The following RCSD1 variants were observed in gnomAD, a reference collection of about 807,000 sequenced individuals.
RCSD1 encodes RCSD domain containing 1.
In RCSD1, 26 loss-of-function variants were observed where a neutral mutation model predicts 42.5. The observed-to-expected ratio is 0.61, with a 90% CI of 0.45 to 0.85. RCSD1 has a LOEUF of 0.85. Ranked by LOEUF, RCSD1 falls within the 40% of genes least tolerant of loss-of-function variation. The probability of loss-of-function intolerance (pLI) is 0.00; values close to 1 mark genes in which losing one functional copy is unlikely to be tolerated. For synonymous variants in RCSD1, 220 were observed against 212.2 expected, an observed-to-expected ratio of 1.04 and a Z score of -0.32; for missense variants, 571 against 528.3, an observed-to-expected ratio of 1.08 and a Z score of -0.79.
At chr1:167,681,459 C>G (rs1471311490) in intron 1 of RCSD1, among the ~76,000 whole-genome samples, 2 of 152,220 alleles carry the variant, frequency 1.3e-5, no homozygotes, top group Non-Finnish European at 2.9e-5. Context: ...ATTCACTAGG[C>G]TCCAGGAAAA....
At chr1:167,699,595 C>T (rs909057722) in intron 6 of RCSD1, among the ~76,000 whole-genome samples, 1 of 152,154 alleles carries the variant, frequency 6.6e-6, no homozygotes, top group African/African-American at 2.4e-5. Flanking sequence ...ATGTAGAGTC[C>T]ACCCTAAATC....
chr1:167,631,455 T>C (rs1195382296), intron 1 of RCSD1, among the ~76,000 whole-genome samples: 1 of 152,240 alleles, frequency 6.6e-6, no homozygotes, highest in Non-Finnish European at 1.5e-5. Flanking sequence ...TCTTCCCCGC[T>C]CCAGGCTCTG....
At chr1:167,631,474 C>T (rs548474292) in intron 1 of RCSD1, among the ~76,000 whole-genome samples, 2 of 152,286 alleles carry the variant, frequency 1.3e-5, no homozygotes, top group South Asian at 4.1e-4. Flanking sequence ...TGTGCCTGGG[C>T]CCTGGTGGTC....
At chr1:167,640,655 A>T (rs936229600) in intron 1 of RCSD1, 1 of 152,136 alleles carries the variant, frequency 6.6e-6, no homozygotes, top group African/African-American at 2.4e-5. Flanking sequence ...GGCTTAAGTG[A>T]TCCTCTCACC....
At chr1:167,680,382 A>G (rs1659049560) in intron 1 of RCSD1, among the ~76,000 whole-genome samples, 1 of 152,010 alleles carries the variant, frequency 6.6e-6, no homozygotes, top group Non-Finnish European at 1.5e-5. Flanking sequence ...CCAGGCCCTG[A>G]CACCAGCAGA....
chr1:167,654,745 A>G (rs1658384859), intron 1 of RCSD1, among the ~76,000 whole-genome samples: 1 of 152,200 alleles, frequency 6.6e-6, no homozygotes, highest in Non-Finnish European at 1.5e-5. Flanking sequence ...GAAAGAAATC[A>G]GTTAGGTAAC....
chr1:167,637,583 G>A (rs957376758), intron 1 of RCSD1, among the ~76,000 whole-genome samples: 4 of 152,160 alleles, frequency 2.6e-5, no homozygotes, highest in African/African-American at 9.7e-5. Context: ...GCACATGCCT[G>A]CCTGGGGCCT....
chr1:167,630,342 G>C lies in RCSD1; in HGVS notation c.-82G>C. 5.2e-6 allele frequency: 7 copies of C among 1,340,848 alleles called. No individual in the cohort carries two copies. The highest frequency in any genetic ancestry group is 6.8e-6 in the Non-Finnish European group (7 of 1,030,346). 83.1% of individuals were successfully genotyped at this position (1,340,848 alleles called of 1,614,324 possible). On this transcript the variant is annotated 5_prime_UTR_variant, in exon 1 of 7. Transcript: ENST00000367854. ...CCGCAGCCCGAAACTGGCCACGGCC[G>C]GGAGCGGAGGGGACAGCGGGGATCG...
intron 1 of RCSD1, among the ~76,000 whole-genome samples, chr1:167,652,668 G>T (rs1658339862): frequency 6.6e-6 from 1 of 152,146 alleles, no homozygotes; most frequent in African/African-American, 2.4e-5. Context: ...AATTTGTATT[G>T]ATTTGCTGTT....
intron 1 of RCSD1, among the ~76,000 whole-genome samples, chr1:167,643,671 C>T (rs1381507381): frequency 6.6e-6 from 1 of 152,192 alleles, no homozygotes; most frequent in Non-Finnish European, 1.5e-5. Context: ...TTGACTTTGC[C>T]ATTTACTAGC....
intron 1 of RCSD1, among the ~76,000 whole-genome samples, chr1:167,678,663 C>T (rs1270404470): frequency 2.0e-5 from 3 of 152,152 alleles, no homozygotes; most frequent in East Asian, 1.9e-4. Flanking sequence ...CTCCTTGATG[C>T]GCGACTCAGG....
intron 1 of RCSD1, among the ~76,000 whole-genome samples, chr1:167,652,610 A>G (rs1558076285): frequency 2.0e-5 from 3 of 152,322 alleles, no homozygotes; most frequent in African/African-American, 7.2e-5. Context: ...CTTTAAAGCT[A>G]ATGAACAGTA....
At chr1:167,648,407 T>G (rs972063565) in intron 1 of RCSD1, among the ~76,000 whole-genome samples, 4 of 152,232 alleles carry the variant, frequency 2.6e-5, no homozygotes, top group African/African-American at 9.6e-5. Flanking sequence ...GCCCTGGCCT[T>G]CCTTCCTTTT....
chr1:167,706,496 G>C lies in RCSD1; in HGVS notation c.*1800G>C, dbSNP rs893893526. ...GGGCCACTTTACTTGAGGAAGGCATGGAACAGAAAGTATGGGGTTTAGATA... is the reference window on the plus strand; with the variant it reads ...GGGCCACTTTACTTGAGGAAGGCATCGAACAGAAAGTATGGGGTTTAGATA... On this transcript the variant is annotated 3_prime_UTR_variant, in exon 7 of 7. Coordinates refer to ENST00000367854, the MANE Select transcript of RCSD1 (RefSeq NM_052862.4). Among the ~76,000 whole-genome samples the C allele has an allele frequency of 2.0e-5, 3 of 152,184 alleles. No homozygotes were observed. Among genetic ancestry groups the C allele is most frequent in the African/African-American group, 7.2e-5 (3 of 41,434 alleles).
intron 1 of RCSD1, among the ~76,000 whole-genome samples, chr1:167,645,183 G>A (rs2102201758): frequency 6.6e-6 from 1 of 152,312 alleles, no homozygotes; most frequent in South Asian, 2.1e-4. Context: ...ATTTATATAG[G>A]ATGGGATGCT....
chr1:167,669,996 C>T (rs1196521754), intron 1 of RCSD1, among the ~76,000 whole-genome samples: 5 of 152,058 alleles, frequency 3.3e-5, no homozygotes, highest in Non-Finnish European at 5.9e-5. Flanking sequence ...CACACACGCA[C>T]ACGCACACTC....
In RCSD1 at chr1:167,677,744, G is replaced by A. The variant is rs1229044616; in HGVS notation, c.7-6156G>A. Among the ~76,000 whole-genome samples the A allele has an allele frequency of 2.0e-5, 3 of 152,192 alleles. No homozygotes were observed. In the East Asian group the frequency reaches 5.8e-4, roughly 29 times the overall value. On this transcript the variant is annotated intron_variant, in intron 1 of 6. Coordinates refer to ENST00000367854, the MANE Select transcript of RCSD1 (RefSeq NM_052862.4). ...ATGCATTTGTCTCAGGTGAGCAGGA[G>A]ACTGACTTAGAGTTCTGTCCTTTGT...
chr1:167,696,978 A>T, intron 5 of RCSD1, 121 bp from the exon 6 acceptor site: 3 of 845,994 alleles, frequency 3.5e-6, no homozygotes, highest in Non-Finnish European at 5.4e-6. Context: ...CTGGAAAATT[A>T]AACGGTCCTT....
intron 3 of RCSD1, among the ~76,000 whole-genome samples, chr1:167,687,490 TCCAG>T (rs1412976000): frequency 7.0e-6 from 1 of 142,758 alleles, no homozygotes; most frequent in Non-Finnish European, 1.5e-5. Flanking sequence ...GCCACCGCAC[TCCAG>T]CCTGGGTGAC....
Sources: allele counts gnomAD v4.1 joint callset (sites outside exome capture counted in the v4.1 genomes callset), GRCh38; gene constraint gnomAD v4.1.1; transcripts MANE v1.5; gene names NCBI Gene and HGNC (gene_info 2026-07-23, HGNC 2026-07-21).